SSH2: variants seen among roughly 807,000 people sequenced by gnomAD.
SSH2 encodes slingshot protein phosphatase 2, also known as protein phosphatase Slingshot homolog 2.
Under a neutral mutation model 135.2 loss-of-function variants are expected in SSH2, and 37 were observed. The observed-to-expected ratio is 0.27, with a 90% confidence interval of 0.21 to 0.36. The LOEUF is 0.36. Among genes scored for constraint, SSH2 ranks in the 10% least tolerant of loss-of-function variants. The probability of loss-of-function intolerance (pLI) is 1.00; values close to 1 mark genes in which losing one functional copy is unlikely to be tolerated. For synonymous variants in SSH2, 628 were observed against 646.2 expected, an observed-to-expected ratio of 0.97 and a Z score of 0.43; for missense variants, 1,408 against 1,765.3, an observed-to-expected ratio of 0.80 and a Z score of 3.63.
intron 3 of SSH2, among the ~76,000 whole-genome samples, chr17:29,741,098 T>A (rs2040540230): frequency 6.6e-6 from 1 of 152,238 alleles, no homozygotes; most frequent in Non-Finnish European, 1.5e-5. Flanking sequence ...AGTACTTAGG[T>A]ATGAAACAGG....
At chr17:29,917,019 T>C (rs909699394) in intron 1 of SSH2, among the ~76,000 whole-genome samples, 2 of 129,592 alleles carry the variant, frequency 1.5e-5, no homozygotes, top group Non-Finnish European at 3.3e-5. Flanking sequence ...TCTGTAGCAG[T>C]AAAAAAAAAA....
At chr17:29,729,451 C>A (rs923874034) in intron 3 of SSH2, among the ~76,000 whole-genome samples, 1 of 152,126 alleles carries the variant, frequency 6.6e-6, no homozygotes. Context: ...GGTGTGTAAA[C>A]TAGTACAACC....
At chr17:29,671,897 T>G (rs776008691) in intron 9 of SSH2, 38 bp downstream of exon 9, 1 of 1,561,900 alleles carries the variant, frequency 6.4e-7, no homozygotes, top group South Asian at 1.2e-5. Flanking sequence ...CAGGACATAA[T>G]GGAGAGAACT....
intron 9 of SSH2, among the ~76,000 whole-genome samples, chr17:29,671,303 C>A (rs1396367681): frequency 6.6e-6 from 1 of 152,030 alleles, no homozygotes; most frequent in Admixed American, 6.6e-5. Flanking sequence ...CATAGTGAGA[C>A]CCTATCTCTA....
At chr17:29,778,135 A>G (rs980448297) in intron 3 of SSH2, among the ~76,000 whole-genome samples, 27 of 152,260 alleles carry the variant, frequency 1.8e-4, no homozygotes, top group African/African-American at 5.8e-4. Context: ...AATGTTTTGC[A>G]TGGTGGAAAA....
At position 29,650,644 on chromosome 17, in the gene SSH2, T is replaced by C. The variant is rs571586034; in HGVS notation, c.1226+10A>G. The C allele has an allele frequency of 6.2e-7, 1 of 1,610,816 alleles. No individual in the cohort carries two copies. Among genetic ancestry groups the C allele is most frequent in the South Asian group, 1.1e-5 (1 of 90,532 alleles). Reference sequence around the variant, plus strand: ...CAGAGATCACAACATTGTGCAGGACTATTACTCACTTTGCTTTAGAGATGA... The same window carrying C: ...CAGAGATCACAACATTGTGCAGGACCATTACTCACTTTGCTTTAGAGATGA... On this transcript the variant is annotated intron_variant, in intron 13 of 15. Coordinates refer to ENST00000540801, the MANE Select transcript of SSH2 (RefSeq NM_001282129.2).
chr17:29,677,699 G>A lies in SSH2; in HGVS notation c.522C>T (p.Asp174=), dbSNP rs1033053099. The A allele has an allele frequency of 5.0e-6, 8 of 1,614,092 alleles. No homozygotes were observed. Among genetic ancestry groups the A allele is most frequent in the Non-Finnish European group, 5.9e-6 (7 of 1,179,964 alleles). The part of the protein sequence containing the change: ...TMGLVLPLWS[D]TLIHLDGDGG... Reference sequence around the variant, plus strand: ...CATCACCATCCAAATGAATTAGCGTGTCGCTCCAGAGAGGCAAAACTAAGC... The same window carrying A: ...CATCACCATCCAAATGAATTAGCGTATCGCTCCAGAGAGGCAAAACTAAGC... The change falls in exon 7 of 16, where the codon GAC becomes GAT. Residue 174 remains aspartate, a synonymous_variant. Transcript: ENST00000540801.
intron 3 of SSH2, among the ~76,000 whole-genome samples, chr17:29,766,020 C>A (rs1376600303): frequency 8.8e-3 from 882 of 100,242 alleles, no homozygotes; most frequent in East Asian, 0.011. Flanking sequence ...ACTCCGTCTC[C>A]AAAAAAAAAA....
chr17:29,876,197 GA>G (rs78321127), intron 1 of SSH2, among the ~76,000 whole-genome samples: 52,551 of 112,662 alleles, frequency 0.47, 11,004 homozygotes, highest in East Asian at 0.68. Context: ...AAGGTAAAAA[GA>G]AAAAAAAAAA....
intron 3 of SSH2, among the ~76,000 whole-genome samples, chr17:29,758,437 GAGAT>G (rs1242240979): frequency 1.3e-5 from 2 of 152,206 alleles, no homozygotes; most frequent in Non-Finnish European, 2.9e-5. Context: ...ATGATTAAAT[GAGAT>G]AGATGTACAT....
chr17:29,659,424 T>G (rs185735680), intron 11 of SSH2, among the ~76,000 whole-genome samples: 1 of 152,352 alleles, frequency 6.6e-6, no homozygotes, highest in African/African-American at 2.4e-5. Context: ...TAGTTTCAAT[T>G]TGCATTTCTC....
intron 3 of SSH2, chr17:29,761,143 G>C (rs142973370): frequency 0.013 from 17,366 of 1,288,890 alleles, 151 homozygotes; most frequent in South Asian, 0.016. Flanking sequence ...GCGCGCGGCG[G>C]ACTCACAGCT....
At chr17:29,808,150 C>T (rs1423323693) in intron 2 of SSH2, among the ~76,000 whole-genome samples, 1 of 152,232 alleles carries the variant, frequency 6.6e-6, no homozygotes, top group Non-Finnish European at 1.5e-5. Flanking sequence ...GTTTTTGAGA[C>T]GGAGTCTCGC....
At chr17:29,850,520 C>T (rs974449651) in intron 1 of SSH2, among the ~76,000 whole-genome samples, 2 of 152,164 alleles carry the variant, frequency 1.3e-5, no homozygotes, top group African/African-American at 4.8e-5. Context: ...GAAAGTAAAG[C>T]TCAGAGTTAC....
At chr17:29,721,564 T>C (rs1034650939) in intron 3 of SSH2, among the ~76,000 whole-genome samples, 4 of 152,190 alleles carry the variant, frequency 2.6e-5, no homozygotes, top group African/African-American at 9.7e-5. Context: ...TGTATGTAAA[T>C]CCTGCAGACT....
chr17:29,677,387 G>C (rs1003746237), intron 7 of SSH2, among the ~76,000 whole-genome samples: 4 of 152,108 alleles, frequency 2.6e-5, no homozygotes, highest in Non-Finnish European at 4.4e-5. Context: ...CATCCTTTGG[G>C]AGAGCATTGC....
At chr17:29,901,649 C>T (rs1474155127) in intron 1 of SSH2, among the ~76,000 whole-genome samples, 3 of 152,080 alleles carry the variant, frequency 2.0e-5, no homozygotes, top group African/African-American at 2.4e-5. Flanking sequence ...GAACTTTAAT[C>T]TTACTAATAT....
chr17:29,697,842 C>T (rs151235013), intron 4 of SSH2, among the ~76,000 whole-genome samples: 1 of 152,250 alleles, frequency 6.6e-6, no homozygotes, highest in African/African-American at 2.4e-5. Flanking sequence ...CTCATATGCA[C>T]AAACCCAAGA....
Position 29,677,744 on chromosome 17 carries a change from G to GC in SSH2, c.480-4dup, listed in dbSNP as rs1457103719. ...CTAAGCCCATGGTACAAGTGCTACT[G>GC]CAAGACAAGAAGTAGTCCAATAGTT... On this transcript the variant is annotated splice_region_variant and splice_polypyrimidine_tract_variant and intron_variant, in intron 6 of 15. Coordinates refer to ENST00000540801, the MANE Select transcript of SSH2 (RefSeq NM_001282129.2). 4 of 1,612,522 alleles carry GC rather than the reference G, an allele frequency of 2.5e-6. No homozygotes were observed. Among genetic ancestry groups the GC allele is most frequent in the Non-Finnish European group, 3.4e-6 (4 of 1,178,636 alleles).
Sources: gnomAD v4.1 joint callset for allele counts (sites outside exome capture counted in the v4.1 genomes callset) on GRCh38, gnomAD v4.1.1 for gene constraint, MANE v1.5 for transcripts, NCBI Gene and HGNC (gene_info 2026-07-23, HGNC 2026-07-21) for gene names.